UTP20: variants seen among roughly 807,000 people sequenced by gnomAD.
UTP20 encodes UTP20 small subunit processome component, also known as small subunit processome component 20 homolog.
A neutral mutation model predicts 329.5 loss-of-function variants in UTP20; 164 were observed. The ratio of observed to expected loss-of-function variants is 0.50; its 90% confidence interval spans 0.44 to 0.57. The LOEUF is 0.57. UTP20 is among the 20% of genes least tolerant of loss of function. The pLI is 0.00. For missense variants in UTP20, 3,055 were observed against 3,284.2 expected (o/e 0.93, Z 1.71); for synonymous variants, 1,151 against 1,159.3 (o/e 0.99, Z 0.14).
chr12:101,306,186 C>A, intron 16 of UTP20, 121 bp downstream of exon 16: 1 of 1,249,526 alleles, frequency 8.0e-7, no homozygotes, highest in Non-Finnish European at 1.1e-6. Context: ...CTGTTTAAAG[C>A]GATGATTCTT....
intron 41 of UTP20, 64 bp downstream of exon 41, chr12:101,355,182 C>A: frequency 6.6e-7 from 1 of 1,520,066 alleles, no homozygotes; most frequent in Non-Finnish European, 8.9e-7. Context: ...AGCCCTGTCA[C>A]ACTGAGGCTC....
chr12:101,365,772 A>G, intron 46 of UTP20, 147 bp downstream of exon 46: 1 of 565,816 alleles, frequency 1.8e-6, no homozygotes, highest in Non-Finnish European at 2.7e-6. Context: ...ATACATTTCA[A>G]CATGAGATTT....
intron 12 of UTP20, among the ~76,000 whole-genome samples, chr12:101,298,406 A>G (rs1186147830): frequency 3.3e-5 from 5 of 152,070 alleles, no homozygotes; most frequent in African/African-American, 1.2e-4. Context: ...TCAGTGAGAG[A>G]CTCTCCAGAC....
At chr12:101,332,428 G>A (rs975159705) in intron 27 of UTP20, among the ~76,000 whole-genome samples, 3 of 152,142 alleles carry the variant, frequency 2.0e-5, no homozygotes, top group African/African-American at 7.2e-5. Flanking sequence ...GTTGAATTGA[G>A]GTCAGGACCT....
chr12:101,361,899 A>G lies in UTP20; in HGVS notation c.5692-63A>G, dbSNP rs573574202. The G allele has an allele frequency of 2.4e-5, 32 of 1,316,634 alleles. No individual in the cohort carries two copies. The African/African-American group carries it at 4.2e-4, about 17-fold the overall frequency. 81.6% of individuals were successfully genotyped at this position (1,316,634 alleles called of 1,614,324 possible). A position where few individuals can be genotyped will look rare whatever the true frequency, so the allele number is the denominator to read the frequency against. On this transcript the variant is annotated intron_variant, in intron 43 of 61. Transcript: ENST00000261637. ...GTGTTCTCTTTGCAGTGCTTCCTAG[A>G]TCTTATGTTTTCCTAGTGTGACATT...
intron 26 of UTP20, among the ~76,000 whole-genome samples, chr12:101,328,667 G>A (rs1255331123): frequency 6.6e-6 from 1 of 152,038 alleles, no homozygotes; most frequent in African/African-American, 2.4e-5. Flanking sequence ...TCAGTAGTTC[G>A]AGACCAGCCT....
rs974925751 is a variant in UTP20, at chr12:101,374,996, T to C, written c.7263+57T>C. 11 of 1,291,554 alleles carry C rather than the reference T, an allele frequency of 8.5e-6. No individual in the cohort carries two copies. The African/African-American group carries it at 8.8e-5, about 10-fold the overall frequency. The allele number at this position is 1,291,554 out of a possible 1,614,324, so 80.0% of individuals were successfully genotyped here. A position where few individuals can be genotyped will look rare whatever the true frequency, so the allele number is the denominator to read the frequency against. On this transcript the variant is annotated intron_variant, in intron 55 of 61. Coordinates refer to ENST00000261637, the MANE Select transcript of UTP20 (RefSeq NM_014503.3). ...TAACTTATAGTTTTACTTGAGGTGA[T>C]GTAGCTAACAGATTAGATATCAGCT...
intron 32 of UTP20, among the ~76,000 whole-genome samples, chr12:101,340,937 C>CTTTT (rs71091488): frequency 8.4e-5 from 7 of 83,012 alleles, no homozygotes; most frequent in Non-Finnish European, 1.4e-4. Flanking sequence ...ATTGTGTAAT[C>CTTTT]TTTTTTTTTT....
intron 15 of UTP20, 23 bp downstream of exon 15, chr12:101,302,576 GT>G: frequency 1.4e-6 from 2 of 1,454,364 alleles, no homozygotes; most frequent in Non-Finnish European, 1.9e-6. Context: ...CTTCCAGTTG[GT>G]TTAGTAATGA....
In UTP20 at chr12:101,345,644, C is replaced by T. The variant is rs960490555; in HGVS notation, c.4696C>T (p.His1566Tyr). The T allele has an allele frequency of 4.3e-6, 7 of 1,612,640 alleles. No homozygotes were observed. The highest frequency in any genetic ancestry group is 3.3e-4 in the Middle Eastern group (2 of 6,078). Residue 1566 changes from histidine to tyrosine, a missense_variant, in exon 37 of 62, where the codon CAT (histidine) becomes TAT (tyrosine). This residue lies in a region of UTP20 where 2,445 missense variants were observed against 2,575.5 expected (regional missense o/e 0.95). Coordinates refer to ENST00000261637, the MANE Select transcript of UTP20 (RefSeq NM_014503.3). ...LEFKDLVQLTHYHDPEMDFFE... is the reference protein window; with the variant it reads ...LEFKDLVQLTYYHDPEMDFFE... ...ATTCAAAGACTTGGTACAACTTACT[C>T]ATTACCATGACCCAGAAATGGACTT...
intron 26 of UTP20, 73 bp from the exon 27 acceptor site, chr12:101,329,167 TA>T: frequency 7.6e-7 from 1 of 1,319,320 alleles, no homozygotes; most frequent in Non-Finnish European, 1.1e-6. Context: ...GAAATGGAAA[TA>T]AAACTACAAT....
At chr12:101,281,039 A>T in intron 1 of UTP20, 77 bp from the exon 2 acceptor site, 1 of 1,239,756 alleles carries the variant, frequency 8.1e-7, no homozygotes, top group Non-Finnish European at 1.1e-6. Flanking sequence ...AGATGCCTAC[A>T]TGCAGCATTC....
chr12:101,329,580 A>G (rs1868686592), intron 27 of UTP20, 131 bp downstream of exon 27: 1 of 830,888 alleles, frequency 1.2e-6, no homozygotes, highest in Admixed American at 3.0e-5. Context: ...ACAAAGCCCA[A>G]AATTGTAAAT....
At position 101,383,058 on chromosome 12, in the gene UTP20, G is replaced by A; in HGVS notation, c.7674G>A (p.Leu2558=). Residue 2558 remains leucine, a synonymous_variant, in exon 59 of 62, where the codon TTG becomes TTA. Transcript: ENST00000261637. ...TTTTAAAGGTTGTTAAGAATTTGTT[G>A]TTCGCAGCCAAAGTCTTGTATTTAC... ...SLGEQVVKNL[L]FAAKVLYLLE... is the part of the protein sequence containing the mutation. 6.4e-7 allele frequency: 1 copy of A among 1,565,518 alleles called. No homozygotes were observed. Among genetic ancestry groups the A allele is most frequent in the Non-Finnish European group, 8.6e-7 (1 of 1,157,830 alleles).
intron 21 of UTP20, among the ~76,000 whole-genome samples, chr12:101,314,247 T>C (rs571804551): frequency 1.9e-4 from 29 of 152,324 alleles, no homozygotes; most frequent in African/African-American, 6.5e-4. Flanking sequence ...GTCTGAAAAG[T>C]CCATCAGGTG....
chr12:101,307,294 TACACACACACACACAC>T (rs35767250), intron 17 of UTP20, among the ~76,000 whole-genome samples: 79 of 146,976 alleles, frequency 5.4e-4, no homozygotes, highest in Non-Finnish European at 1.1e-3. Flanking sequence ...ACTTTTTGAA[TACACACACACACACAC>T]ACACACACAC....
At chr12:101,319,457 CTAGTCAG>C in intron 22 of UTP20, 81 bp from the exon 23 acceptor site, 1 of 933,004 alleles carries the variant, frequency 1.1e-6, no homozygotes, top group South Asian at 1.7e-5. Flanking sequence ...GTTTGAAGTT[CTAGTCAG>C]AATAAAATTG....
intron 56 of UTP20, among the ~76,000 whole-genome samples, chr12:101,378,904 C>G (rs1593456430): frequency 6.6e-6 from 1 of 152,078 alleles, no homozygotes; most frequent in South Asian, 2.1e-4. Context: ...TTCTCTCTAG[C>G]TCCTGTGAGC....
At position 101,338,859 on chromosome 12, in the gene UTP20, A is replaced by G; in HGVS notation, c.3915A>G (p.Ala1305=). 1 of 1,612,392 alleles carries G rather than the reference A, an allele frequency of 6.2e-7. No individual in the cohort carries two copies. Among genetic ancestry groups the G allele is most frequent in the East Asian group, 2.2e-5 (1 of 44,544 alleles). The change falls in exon 31 of 62, where the codon GCA becomes GCG. Residue 1305 remains alanine, a synonymous_variant. Transcript: ENST00000261637. ...GGRLILPHVP[A]ILQYLSKTTI... is the part of the protein sequence containing the mutation. ...GATTAATTCTACCTCATGTACCTGC[A>G]ATTCTTCAGTATCTCAGCAAAACCA...
Sources: allele counts gnomAD v4.1 joint callset (sites outside exome capture counted in the v4.1 genomes callset), GRCh38; gene constraint gnomAD v4.1.1; regional missense constraint gnomAD v4.1.1; transcripts MANE v1.5; gene names NCBI Gene and HGNC (gene_info 2026-07-23, HGNC 2026-07-21).